HOXB13: variants seen among roughly 807,000 people sequenced by gnomAD.
HOXB13 encodes the protein homeobox B13.
HOXB13 carries 22 observed loss-of-function variants against 23.1 expected under a neutral mutation model. That is an observed-to-expected ratio of 0.95 (90% CI 0.68 to 1.36). HOXB13 has a LOEUF of 1.36. Ranked by LOEUF, HOXB13 falls within the 40% of genes most tolerant of loss-of-function variation. The pLI, the probability that HOXB13 is intolerant of heterozygous loss-of-function variation, is 0.00. For synonymous variants in HOXB13, 173 were observed against 157.9 expected, an observed-to-expected ratio of 1.10 and a Z score of -0.72; for missense variants, 386 against 376.2, an observed-to-expected ratio of 1.03 and a Z score of -0.22.
rs904661714 is a variant in HOXB13, at chr17:48,725,018, G to T, written c.*1772C>A. 1 of 203,256 alleles carries T rather than the reference G, an allele frequency of 4.9e-6. No homozygotes were observed. The highest frequency in any genetic ancestry group is 9.7e-6 in the Non-Finnish European group (1 of 102,710). 12.6% of individuals were successfully genotyped at this position (203,256 alleles called of 1,614,324 possible). ...CCCTCCCCACAGGCCCATCTGCGCT[G>T]AACTCTCGCCAGTTCCGAAGTCGGC... On this transcript the variant is annotated 3_prime_UTR_variant, in exon 2 of 2. Coordinates refer to ENST00000290295, the MANE Select transcript of HOXB13 (RefSeq NM_006361.6).
rs2038213350 is a variant in HOXB13, at chr17:48,726,725, G to T, written c.*65C>A. 1.9e-6 allele frequency: 3 copies of T among 1,579,330 alleles called. No homozygotes were observed. The highest frequency in any genetic ancestry group is 3.5e-5 in the Admixed American group (2 of 57,032). On this transcript the variant is annotated 3_prime_UTR_variant, in exon 2 of 2. Coordinates refer to ENST00000290295, the MANE Select transcript of HOXB13 (RefSeq NM_006361.6). ...GAGTCCTTGGCCCCAGCCTGGGCTT[G>T]GCAGGTTCCTGGTCTCCCCAGGACA...
rs535584715 is a variant in HOXB13, at chr17:48,728,674, G to A, written c.-81C>T. 3.2e-5 allele frequency: 44 copies of A among 1,387,914 alleles called. No homozygotes were observed. The East Asian group carries it at 6.0e-4, about 19-fold the overall frequency. 86.0% of individuals were successfully genotyped at this position (1,387,914 alleles called of 1,614,324 possible). A position where few individuals can be genotyped will look rare whatever the true frequency, so the allele number is the denominator to read the frequency against. ...CTCGCTCTCCCCACCCAGGCCGGGG[G>A]AATCCAAAGCGTTTTAAATCGCTCC... On this transcript the variant is annotated 5_prime_UTR_variant, in exon 1 of 2. Transcript: ENST00000290295.
intron 1 of HOXB13, among the ~76,000 whole-genome samples, chr17:48,727,294 G>A (rs545746711): frequency 2.4e-4 from 37 of 152,202 alleles, no homozygotes; most frequent in South Asian, 2.1e-3. Context: ...CCGCGAATCT[G>A]CAAACATACC....
Position 48,726,776 on chromosome 17 carries a change from G to A in HOXB13, c.*14C>T. ...CCCCCACTTTCGCTCCTCCCACCCA[G>A]GCAAGGAGATCTCTTAAGGGGTAGC... is the stretch of plus-strand genomic sequence containing the variant. On this transcript the variant is annotated 3_prime_UTR_variant, in exon 2 of 2. Transcript: ENST00000290295. 1.2e-6 allele frequency: 2 copies of A among 1,612,114 alleles called. No homozygotes were observed. Among genetic ancestry groups the A allele is most frequent in the South Asian group, 1.1e-5 (1 of 91,062 alleles).
chr17:48,727,131 T>A, intron 1 of HOXB13, 88 bp from the exon 2 acceptor site: 4 of 1,518,382 alleles, frequency 2.6e-6, no homozygotes, highest in Non-Finnish European at 2.7e-6. Context: ...AGCTAAGTCA[T>A]CTCACAGGTG....
chr17:48,726,978 A>G lies in HOXB13; in HGVS notation c.667T>C (p.Tyr223His). Reference protein sequence around the residue: ...FRRGRKKRIPYSKGQLRELER... With the variant: ...FRRGRKKRIPHSKGQLRELER... ...AGCTCCCGCAACTGCCCCTTGCTGTACGGAATGCGTTTCTTGCGGCCGCGA... is the reference window on the plus strand; with the variant it reads ...AGCTCCCGCAACTGCCCCTTGCTGTGCGGAATGCGTTTCTTGCGGCCGCGA... The change falls in exon 2 of 2, where the codon TAC becomes CAC. Residue 223 changes from tyrosine (Y) to histidine (H), a missense_variant. Tyr to His is a moderately conservative substitution (Grantham distance 83). Coordinates refer to ENST00000290295, the MANE Select transcript of HOXB13 (RefSeq NM_006361.6). 6.2e-7 allele frequency: 1 copy of G among 1,613,026 alleles called. No homozygotes were observed. Among genetic ancestry groups the G allele is most frequent in the South Asian group, 1.1e-5 (1 of 91,076 alleles).
At position 48,728,641 on chromosome 17, in the gene HOXB13, G is replaced by T. The variant is rs1440227956; in HGVS notation, c.-48C>A. 1 of 1,597,602 alleles carries T rather than the reference G, an allele frequency of 6.3e-7. No homozygotes were observed. Among genetic ancestry groups the T allele is most frequent in the Non-Finnish European group, 8.5e-7 (1 of 1,172,770 alleles). ...GGTGCGGGGGCGGGGAATCTAGGGG[G>T]CACCCAGCTCGCTCTCCCCACCCAG... On this transcript the variant is annotated 5_prime_UTR_variant, in exon 1 of 2. Coordinates refer to ENST00000290295, the MANE Select transcript of HOXB13 (RefSeq NM_006361.6).
Position 48,726,782 on chromosome 17 carries a change from G to A in HOXB13, c.*8C>T. The A allele has an allele frequency of 1.2e-6, 2 of 1,612,412 alleles. No individual in the cohort carries two copies. The highest frequency in any genetic ancestry group is 1.7e-5 in the Admixed American group (1 of 59,992). On this transcript the variant is annotated 3_prime_UTR_variant, in exon 2 of 2. Transcript: ENST00000290295. ...CTTTCGCTCCTCCCACCCAGGCAAG[G>A]AGATCTCTTAAGGGGTAGCGCTGTT...
At position 48,728,681 on chromosome 17, in the gene HOXB13, A is replaced by C; in HGVS notation, c.-88T>G. On this transcript the variant is annotated 5_prime_UTR_variant, in exon 1 of 2. Coordinates refer to ENST00000290295, the MANE Select transcript of HOXB13 (RefSeq NM_006361.6). ...TCCCCACCCAGGCCGGGGGAATCCA[A>C]AGCGTTTTAAATCGCTCCCAGCTCG... 1 of 1,318,264 alleles carries C rather than the reference A, an allele frequency of 7.6e-7. No homozygotes were observed. 81.7% of individuals were successfully genotyped at this position (1,318,264 alleles called of 1,614,324 possible). A position where few individuals can be genotyped will look rare whatever the true frequency, so the allele number is the denominator to read the frequency against.
In HOXB13 at chr17:48,725,381, C is replaced by T. The variant is rs925692719; in HGVS notation, c.*1409G>A. ...AGATTTGTAGGTGTCTAAGTCACGT[C>T]CCACCCTCACTCCTTCCCAGGAGAG... On this transcript the variant is annotated 3_prime_UTR_variant, in exon 2 of 2. Coordinates refer to ENST00000290295, the MANE Select transcript of HOXB13 (RefSeq NM_006361.6). 4 of 152,282 alleles carry T rather than the reference C, an allele frequency of 2.6e-5. No homozygotes were observed. Among genetic ancestry groups the T allele is most frequent in the African/African-American group, 9.7e-5 (4 of 41,448 alleles). 9.4% of individuals were successfully genotyped at this position (152,282 alleles called of 1,614,324 possible). A position where few individuals can be genotyped will look rare whatever the true frequency, so the allele number is the denominator to read the frequency against.
Position 48,726,917 on chromosome 17 carries a change from T to G in HOXB13, c.728A>C (p.Lys243Thr). The change falls in exon 2 of 2, where the codon AAG becomes ACG. Residue 243 changes from lysine (K) to threonine (T), a missense_variant. Physicochemically the swap from Lys to Thr is moderately conservative, Grantham distance 78. Coordinates refer to ENST00000290295, the MANE Select transcript of HOXB13 (RefSeq NM_006361.6). ...TGCCGAGATCTTGCGCCTCTTGTCC[T>G]TGGTGATGAACTTGTTAGCCGCATA... ...REYAANKFIT[K>T]DKRRKISAAT... is the part of the protein sequence containing the mutation. 6.2e-7 allele frequency: 1 copy of G among 1,614,024 alleles called. No individual in the cohort carries two copies. Among genetic ancestry groups the G allele is most frequent in the Non-Finnish European group, 8.5e-7 (1 of 1,179,992 alleles).
Position 48,726,718 on chromosome 17 carries a change from T to A in HOXB13, c.*72A>T. On this transcript the variant is annotated 3_prime_UTR_variant, in exon 2 of 2. Coordinates refer to ENST00000290295, the MANE Select transcript of HOXB13 (RefSeq NM_006361.6). ...CTCAGCAGAGTCCTTGGCCCCAGCC[T>A]GGGCTTGGCAGGTTCCTGGTCTCCC... The A allele has an allele frequency of 2.5e-6, 4 of 1,569,516 alleles. No homozygotes were observed. Among genetic ancestry groups the A allele is most frequent in the Non-Finnish European group, 3.5e-6 (4 of 1,154,938 alleles).
In HOXB13 at chr17:48,728,526, C is replaced by T. The variant is rs745392080; in HGVS notation, c.68G>A (p.Gly23Glu). The T allele has an allele frequency of 6.2e-7, 1 of 1,613,240 alleles. No homozygotes were observed. ...GGAGTGGGCGACCAGATTCCGCCCC[C>T]CTCCCGCTCCCAGCAAGCCTTCGAT... ...KDIEGLLGAG[G>E]GRNLVAHSPL... The change falls in exon 1 of 2, where the codon GGG becomes GAG. Residue 23 changes from glycine to glutamate, a missense_variant. Physicochemically the swap from Gly to Glu is moderately conservative, Grantham distance 98. Transcript: ENST00000290295.
chr17:48,728,193 G>T lies in HOXB13; in HGVS notation c.401C>A (p.Pro134Gln), dbSNP rs1597934280. 9 of 1,614,178 alleles carry T rather than the reference G, an allele frequency of 5.6e-6. No homozygotes were observed. The highest frequency in any genetic ancestry group is 6.8e-6 in the Non-Finnish European group (8 of 1,180,036). Residue 134 changes from proline (P) to glutamine (Q), a missense_variant, in exon 1 of 2, where the codon CCG becomes CAG. Pro to Gln is a moderately conservative substitution (Grantham distance 76, BLOSUM62 -1). Coordinates refer to ENST00000290295, the MANE Select transcript of HOXB13 (RefSeq NM_006361.6). ...PTEFAFYPGYPGTYQPMASYL... is the reference protein window; with the variant it reads ...PTEFAFYPGYQGTYQPMASYL... ...ACTGGCCATAGGCTGGTAGGTTCCC[G>T]GATATCCCGGATAGAAGGCAAACTC...
rs1478094594 is a variant in HOXB13 at position 48,725,764 on chromosome 17, A to G, written c.*1026T>C. On this transcript the variant is annotated 3_prime_UTR_variant, in exon 2 of 2. Coordinates refer to ENST00000290295, the MANE Select transcript of HOXB13 (RefSeq NM_006361.6). ...ACTGAGCCCAGGTACAGGACATCAG[A>G]GAATGAACACAGAGGCAGAGGCCCT... 1 of 152,328 alleles carries G rather than the reference A, an allele frequency of 6.6e-6. No homozygotes were observed. Among genetic ancestry groups the G allele is most frequent in the Non-Finnish European group, 1.5e-5 (1 of 68,112 alleles). 9.4% of individuals were successfully genotyped at this position (152,328 alleles called of 1,614,324 possible).
rs143556617 is a variant in HOXB13 at position 48,727,065 on chromosome 17, G to A, written c.602-22C>T. The A allele has an allele frequency of 1.5e-5, 24 of 1,601,082 alleles. No individual in the cohort carries two copies. The East Asian group carries it at 5.1e-4, about 34-fold the overall frequency. On this transcript the variant is annotated intron_variant, in intron 1 of 1. Transcript: ENST00000290295. The stretch of plus-strand genomic sequence containing the variant: ...GAGTCTGCGCGGCGTGAAAGGGAGG[G>A]AGGAAAAGGCATGGTCAGATACCCA...
rs1163624161 is a variant in HOXB13, at chr17:48,726,573, C to G, written c.*217G>C. 4 of 585,442 alleles carry G rather than the reference C, an allele frequency of 6.8e-6. No homozygotes were observed. The highest frequency in any genetic ancestry group is 6.0e-5 in the Admixed American group (2 of 33,326). 36.3% of individuals were successfully genotyped at this position (585,442 alleles called of 1,614,324 possible). ...TGACTGGGCCAGGTTCTTTGGGAAC[C>G]CTGGTGGAGTGGGCTGTCACATGGG... On this transcript the variant is annotated 3_prime_UTR_variant, in exon 2 of 2. Coordinates refer to ENST00000290295, the MANE Select transcript of HOXB13 (RefSeq NM_006361.6).
At position 48,726,604 on chromosome 17, in the gene HOXB13, G is replaced by C; in HGVS notation, c.*186C>G. On this transcript the variant is annotated 3_prime_UTR_variant, in exon 2 of 2. Transcript: ENST00000290295. ...GGAGTGGGCTGTCACATGGGGTTCC[G>C]TCTCCCTGCACATACTGGGTACCCA... 3.0e-6 allele frequency: 2 copies of C among 660,940 alleles called. No homozygotes were observed. The highest frequency in any genetic ancestry group is 5.1e-6 in the Non-Finnish European group (2 of 395,414). 40.9% of individuals were successfully genotyped at this position (660,940 alleles called of 1,614,324 possible).
rs926145936 is a variant in HOXB13 at position 48,725,334 on chromosome 17, C to T, written c.*1456G>A. On this transcript the variant is annotated 3_prime_UTR_variant, in exon 2 of 2. Coordinates refer to ENST00000290295, the MANE Select transcript of HOXB13 (RefSeq NM_006361.6). Reference sequence around the variant, plus strand: ...ACACTCTTTGGCCTTTTCCCTCAGTCCCGGGCTCCTCTTTGGTAAATAGAT... The same window carrying T: ...ACACTCTTTGGCCTTTTCCCTCAGTTCCGGGCTCCTCTTTGGTAAATAGAT... 6.6e-6 allele frequency: 1 copy of T among 152,474 alleles called. No individual in the cohort carries two copies. The highest frequency in any genetic ancestry group is 1.5e-5 in the Non-Finnish European group (1 of 68,194). The allele number at this position is 152,474 out of a possible 1,614,324, so 9.4% of individuals were successfully genotyped here. A position where few individuals can be genotyped will look rare whatever the true frequency, so the allele number is the denominator to read the frequency against.
Sources: gnomAD v4.1 joint callset for allele counts (sites outside exome capture counted in the v4.1 genomes callset) on GRCh38, gnomAD v4.1.1 for gene constraint, MANE v1.5 for transcripts, NCBI Gene and HGNC (gene_info 2026-07-23, HGNC 2026-07-21) for gene names.